The following GNA13 variants were observed in gnomAD, a reference collection of about 807,000 sequenced individuals.
The protein encoded by GNA13 is G protein subunit alpha 13.
Under a neutral mutation model 33.5 loss-of-function variants are expected in GNA13, and 4 were observed. The ratio of observed to expected loss-of-function variants is 0.12; its 90% CI spans 0.06 to 0.27. GNA13 has a LOEUF of 0.27. GNA13 is among the 10% of genes least tolerant of loss of function. The pLI is 1.00. For missense variants in GNA13, 319 were observed against 487.2 expected (o/e 0.65, Z 3.25); for synonymous variants, 176 against 183.8 (o/e 0.96, Z 0.34).
intron 2 of GNA13, among the ~76,000 whole-genome samples, chr17:65,049,466 G>C (rs182254723): frequency 4.6e-4 from 70 of 152,284 alleles, no homozygotes; most frequent in African/African-American, 1.6e-3. Flanking sequence ...AAAAGTGTCA[G>C]GCACTATGCT....
chr17:65,042,631 G>C (rs1254243916), intron 2 of GNA13, among the ~76,000 whole-genome samples: 1 of 151,958 alleles, frequency 6.6e-6, no homozygotes, highest in Non-Finnish European at 1.5e-5. Flanking sequence ...CAGCTACTTG[G>C]GAGGCCAAGG....
intron 2 of GNA13, among the ~76,000 whole-genome samples, chr17:65,044,304 A>G (rs1281027304): frequency 6.6e-6 from 1 of 152,226 alleles, no homozygotes; most frequent in Non-Finnish European, 1.5e-5. Flanking sequence ...GCTCATTCTA[A>G]TACTGCTCTG....
At chr17:65,036,681 G>A (rs1567823610) in intron 2 of GNA13, among the ~76,000 whole-genome samples, 2 of 152,208 alleles carry the variant, frequency 1.3e-5, no homozygotes, top group African/African-American at 4.8e-5. Context: ...ACTCCAGCCT[G>A]GGTGAAAGAG....
chr17:65,021,516 C>CT (rs1254100490), intron 2 of GNA13, among the ~76,000 whole-genome samples: 1 of 152,196 alleles, frequency 6.6e-6, no homozygotes, highest in African/African-American at 2.4e-5. Flanking sequence ...GGCTTAGCAG[C>CT]TTATCGACCC....
chr17:65,055,604 A>T (rs1239414060), intron 1 of GNA13: 1 of 985,266 alleles, frequency 1.0e-6, no homozygotes, highest in African/African-American at 1.7e-5. Flanking sequence ...TGACCGTGAC[A>T]CTGGGGCGAA....
chr17:65,050,974 T>C (rs890912729), intron 2 of GNA13, among the ~76,000 whole-genome samples: 5 of 152,170 alleles, frequency 3.3e-5, no homozygotes, highest in Non-Finnish European at 7.4e-5. Context: ...GTTTTACCTA[T>C]TCGTTCTTAA....
At chr17:65,044,766 A>G (rs1229285990) in intron 2 of GNA13, among the ~76,000 whole-genome samples, 1 of 152,196 alleles carries the variant, frequency 6.6e-6, no homozygotes, top group African/African-American at 2.4e-5. Flanking sequence ...AAAGTTAACA[A>G]TAGGCCGGGC....
intron 2 of GNA13, among the ~76,000 whole-genome samples, chr17:65,039,598 C>G (rs893829671): frequency 6.6e-6 from 1 of 152,208 alleles, no homozygotes; most frequent in African/African-American, 2.4e-5. Flanking sequence ...GAGCATTCTT[C>G]CCCCTCCTTT....
Position 65,039,502 on chromosome 17 carries a change from C to G in GNA13, c.510+14000G>C, listed in dbSNP as rs573489172. Among the ~76,000 whole-genome samples, 419 of 152,338 alleles carry G rather than the reference C, an allele frequency of 2.8e-3. 2 individuals are homozygous for G. The highest frequency in any genetic ancestry group is 9.7e-3 in the African/African-American group (404 of 41,560). ...CCTCTTCCACCTCAGTTCTCCCTCA[C>G]TCACTCCTCCACCCTGGCCTGGATC... On this transcript the variant is annotated intron_variant, in intron 2 of 3. Coordinates refer to ENST00000439174, the MANE Select transcript of GNA13 (RefSeq NM_006572.6).
chr17:65,018,208 G>T, intron 3 of GNA13, 45 bp downstream of exon 3: 1 of 932,564 alleles, frequency 1.1e-6, no homozygotes, highest in Non-Finnish European at 1.7e-6. Flanking sequence ...CCTGACTTCT[G>T]CTTTCAAATG....
rs1167868480 is a variant in GNA13, at chr17:65,053,641, G to C, written c.371C>G (p.Ser124Trp). 2 of 1,613,548 alleles carry C rather than the reference G, an allele frequency of 1.2e-6. No individual in the cohort carries two copies. Among genetic ancestry groups the C allele is most frequent in the South Asian group, 1.1e-5 (1 of 91,064 alleles). The change falls in exon 2 of 4, where the codon TCG (serine) becomes TGG (tryptophan). Residue 124 changes from serine (S) to tryptophan (W), a missense_variant. Physicochemically the swap from Ser to Trp is radical, Grantham distance 177. Around this residue, in one of 4 missense-constraint regions of GNA13, gnomAD observed 136 missense variants for 159.3 expected, o/e 0.85. Transcript: ENST00000439174. ...SNQQHGDKMM[S>W]FDTRAPMAAQ... ...TGCCATGGGGGCCCGGGTATCAAAC[G>C]ACATCATCTTATCTCCATGTTGTTG...
chr17:65,056,212 G>A (rs987569801), intron 1 of GNA13, 99 bp downstream of exon 1: 1 of 1,018,956 alleles, frequency 9.8e-7, no homozygotes, highest in Non-Finnish European at 1.3e-6. Flanking sequence ...CCGTTCCTTC[G>A]CCAGCGACAC....
At chr17:65,049,590 A>G (rs1907789508) in intron 2 of GNA13, among the ~76,000 whole-genome samples, 1 of 152,168 alleles carries the variant, frequency 6.6e-6, no homozygotes, top group Admixed American at 6.5e-5. Context: ...GAGTGACAGG[A>G]GTAAGCATGC....
chr17:65,037,778 G>GAAAAAAAAAA (rs71158360), intron 2 of GNA13, among the ~76,000 whole-genome samples: 2 of 99,138 alleles, frequency 2.0e-5, no homozygotes. Context: ...TACAAAAATG[G>GAAAAAAAAAA]AAAAAAAAAA....
intron 2 of GNA13, among the ~76,000 whole-genome samples, chr17:65,028,995 CTGATA>C (rs1387490180): frequency 6.6e-6 from 1 of 152,072 alleles, no homozygotes; most frequent in African/African-American, 2.4e-5. Context: ...GGCAGAGTTA[CTGATA>C]TAATACTGAG....
chr17:65,035,367 T>C (rs1907202546), intron 2 of GNA13, among the ~76,000 whole-genome samples: 1 of 152,146 alleles, frequency 6.6e-6, no homozygotes, highest in African/African-American at 2.4e-5. Context: ...TGATGCAACA[T>C]TAAATGAACA....
At chr17:65,055,883 G>A (rs1014004415) in intron 1 of GNA13, 5 of 333,832 alleles carry the variant, frequency 1.5e-5, no homozygotes, top group African/African-American at 4.5e-5. Context: ...AGCGAGGTTC[G>A]GCCCACATCG....
intron 2 of GNA13, among the ~76,000 whole-genome samples, chr17:65,031,519 A>G (rs1013670858): frequency 3.3e-5 from 5 of 152,214 alleles, no homozygotes; most frequent in South Asian, 2.1e-4. Flanking sequence ...GAATCAAGTG[A>G]TATCAGAGAA....
intron 2 of GNA13, among the ~76,000 whole-genome samples, chr17:65,021,194 C>T (rs1016380241): frequency 2.0e-5 from 3 of 152,160 alleles, no homozygotes; most frequent in Non-Finnish European, 4.4e-5. Flanking sequence ...GCCAGTGTAC[C>T]TGGGTTCCAG....
Sources: allele counts gnomAD v4.1 joint callset (sites outside exome capture counted in the v4.1 genomes callset), GRCh38; gene constraint gnomAD v4.1.1; regional missense constraint gnomAD v4.1.1; transcripts MANE v1.5; gene names NCBI Gene and HGNC (gene_info 2026-07-23, HGNC 2026-07-21).